The following CEPT1 variants were observed in gnomAD, a reference collection of about 807,000 sequenced individuals.
CEPT1 encodes the protein choline/ethanolaminephosphotransferase 1.
Under a neutral mutation model 42.6 loss-of-function variants are expected in CEPT1, and 7 were observed. That is an observed-to-expected ratio of 0.16 (90% CI 0.09 to 0.31). The LOEUF (loss-of-function observed/expected upper bound fraction) is 0.31. Ranked by LOEUF, CEPT1 falls within the 10% of genes least tolerant of loss-of-function variation. CEPT1 has a pLI of 1.00. For missense variants in CEPT1, 306 were observed against 502.1 expected (o/e 0.61, Z 3.73); for synonymous variants, 171 against 171.9 (o/e 0.99, Z 0.04).
At chr1:111,169,571 CTT>C (rs1454807412) in intron 4 of CEPT1, among the ~76,000 whole-genome samples, 1 of 152,066 alleles carries the variant, frequency 6.6e-6, no homozygotes, top group Non-Finnish European at 1.5e-5. Context: ...TTTGAAAATA[CTT>C]TGTTTTCTCT....
chr1:111,159,333 G>A lies in CEPT1; in HGVS notation c.340-47G>A, dbSNP rs755854177. On this transcript the variant is annotated intron_variant, in intron 2 of 8. Coordinates refer to ENST00000357172, the MANE Select transcript of CEPT1 (RefSeq NM_006090.5). The stretch of plus-strand genomic sequence containing the variant: ...GGTAAAAATATGTTAGTCAAACATG[G>A]TAACTGTGTGTCTGAATACTCTTGC... The A allele has an allele frequency of 3.2e-6, 5 of 1,566,810 alleles. No homozygotes were observed. In the African/African-American group the frequency reaches 5.6e-5, roughly 17 times the overall value.
At chr1:111,166,369 T>C (rs1248264544) in intron 4 of CEPT1, among the ~76,000 whole-genome samples, 2 of 152,182 alleles carry the variant, frequency 1.3e-5, no homozygotes, top group Admixed American at 6.5e-5. Flanking sequence ...ACTTTTTAAG[T>C]GATTGAACTG....
chr1:111,141,147 TG>T (rs1431261450), intron 1 of CEPT1, among the ~76,000 whole-genome samples: 1 of 152,234 alleles, frequency 6.6e-6, no homozygotes, highest in African/African-American at 2.4e-5. Flanking sequence ...TCGTCTTGTA[TG>T]TGGACAAAGA....
intron 4 of CEPT1, among the ~76,000 whole-genome samples, chr1:111,171,926 G>A (rs1656436964): frequency 1.3e-5 from 2 of 152,050 alleles, no homozygotes; most frequent in African/African-American, 2.4e-5. Flanking sequence ...TAGTAGAGAC[G>A]GGGTTTCTCC....
Position 111,184,396 on chromosome 1 carries a change from T to C in CEPT1, c.*86T>C. On this transcript the variant is annotated 3_prime_UTR_variant, in exon 9 of 9. Coordinates refer to ENST00000357172, the MANE Select transcript of CEPT1 (RefSeq NM_006090.5). ...GAGAATGGGGGTGGATAAGAACAAA[T>C]ATAATTTATAATAATCAATGTTGTA... 2 of 978,082 alleles carry C rather than the reference T, an allele frequency of 2.0e-6. No homozygotes were observed. Among genetic ancestry groups the C allele is most frequent in the South Asian group, 3.5e-5 (2 of 57,880 alleles). 60.6% of individuals were successfully genotyped at this position (978,082 alleles called of 1,614,324 possible). A position where few individuals can be genotyped will look rare whatever the true frequency, so the allele number is the denominator to read the frequency against.
At chr1:111,168,783 G>A (rs77294239) in intron 4 of CEPT1, among the ~76,000 whole-genome samples, 4,640 of 152,312 alleles carry the variant, frequency 0.03, 99 homozygotes, top group East Asian at 0.067. Flanking sequence ...TGTAAATCCA[G>A]TTATTCAGTG....
chr1:111,164,057 T>G (rs1253786979), intron 4 of CEPT1, among the ~76,000 whole-genome samples: 1 of 152,182 alleles, frequency 6.6e-6, no homozygotes, highest in Non-Finnish European at 1.5e-5. Context: ...AAATAGAATG[T>G]TTGCCAGATA....
intron 2 of CEPT1, among the ~76,000 whole-genome samples, chr1:111,149,489 C>T (rs572575383): frequency 1.3e-5 from 2 of 152,246 alleles, no homozygotes; most frequent in East Asian, 3.9e-4. Context: ...TCTGGAATTC[C>T]TGACCTCAGG....
At chr1:111,158,948 C>G (rs1216143206) in intron 2 of CEPT1, among the ~76,000 whole-genome samples, 1 of 112,134 alleles carries the variant, frequency 8.9e-6, no homozygotes, top group African/African-American at 3.5e-5. Context: ...GAGTCTCGCT[C>G]TGTCGCCCAG....
At chr1:111,174,764 T>C in intron 4 of CEPT1, 115 bp from the exon 5 acceptor site, 1 of 575,560 alleles carries the variant, frequency 1.7e-6, no homozygotes, top group Non-Finnish European at 3.1e-6. Context: ...TTCCTCAATA[T>C]TTGAGATTTT....
At chr1:111,171,594 CA>C (rs1408837810) in intron 4 of CEPT1, among the ~76,000 whole-genome samples, 1 of 152,136 alleles carries the variant, frequency 6.6e-6, no homozygotes, top group Admixed American at 6.5e-5. Flanking sequence ...TGACAGCCAT[CA>C]AAACAGTGTT....
At chr1:111,163,240 T>C (rs1297837673) in intron 4 of CEPT1, among the ~76,000 whole-genome samples, 3 of 152,210 alleles carry the variant, frequency 2.0e-5, no homozygotes, top group African/African-American at 7.2e-5. Context: ...TTAGTTTTAA[T>C]TTGGGAAATT....
At chr1:111,144,661 G>C (rs1014416202) in intron 1 of CEPT1, among the ~76,000 whole-genome samples, 7 of 152,192 alleles carry the variant, frequency 4.6e-5, no homozygotes, top group African/African-American at 1.4e-4. Flanking sequence ...AAGCAGGCTA[G>C]CACTCATCTT....
intron 6 of CEPT1, 41 bp from the exon 7 acceptor site, chr1:111,182,758 G>T: frequency 3.3e-6 from 5 of 1,535,448 alleles, no homozygotes; most frequent in South Asian, 1.2e-5. Flanking sequence ...AGTATCTGAT[G>T]AGTACTGAAT....
intron 5 of CEPT1, chr1:111,178,391 T>G (rs1310515382): frequency 6.6e-6 from 1 of 152,154 alleles, no homozygotes; most frequent in African/African-American, 2.4e-5. Context: ...TACCCATTCT[T>G]TCCCAAATTT....
At position 111,182,685 on chromosome 1, in the gene CEPT1, A is replaced by G. The variant is rs1657048788; in HGVS notation, c.847-114A>G. 6.5e-6 allele frequency: 6 copies of G among 916,966 alleles called. No individual in the cohort carries two copies. The South Asian group carries it at 1.1e-4, about 17-fold the overall frequency. The allele number at this position is 916,966 out of a possible 1,614,324, so 56.8% of individuals were successfully genotyped here. ...TGATTTATAGAAATTGCTGCCTATC[A>G]GGCACCATGAGGTTCCTGAAAGTTT... On this transcript the variant is annotated intron_variant, in intron 6 of 8. Transcript: ENST00000357172.
chr1:111,171,406 A>G (rs1257692114), intron 4 of CEPT1, among the ~76,000 whole-genome samples: 3 of 152,222 alleles, frequency 2.0e-5, no homozygotes, highest in Admixed American at 2.0e-4. Flanking sequence ...TTAAAAGTTT[A>G]AATTATTCAT....
At chr1:111,172,979 A>G (rs759283553) in intron 4 of CEPT1, among the ~76,000 whole-genome samples, 1 of 152,172 alleles carries the variant, frequency 6.6e-6, no homozygotes, top group Non-Finnish European at 1.5e-5. Flanking sequence ...AAGAATCCCA[A>G]TTTGAGACTT....
chr1:111,164,413 G>A (rs556621517), intron 4 of CEPT1, among the ~76,000 whole-genome samples: 2 of 152,288 alleles, frequency 1.3e-5, no homozygotes, highest in South Asian at 2.1e-4. Context: ...AAAGACTGGG[G>A]AGGAAAATGG....
Sources: gnomAD v4.1 joint callset for allele counts (sites outside exome capture counted in the v4.1 genomes callset) on GRCh38, gnomAD v4.1.1 for gene constraint, MANE v1.5 for transcripts, NCBI Gene and HGNC (gene_info 2026-07-23, HGNC 2026-07-21) for gene names.